The following MYO5A variants were observed in gnomAD, a reference collection of about 807,000 sequenced individuals.
MYO5A encodes myosin VA, also known as unconventional myosin-Va.
MYO5A carries 98 observed loss-of-function variants against 249.7 expected under a neutral mutation model. That is an observed-to-expected ratio of 0.39 (90% CI 0.33 to 0.46). The LOEUF (loss-of-function observed/expected upper bound fraction) is 0.46. MYO5A is among the 20% of genes least tolerant of loss of function. MYO5A has a pLI of 0.98. For missense variants in MYO5A, 1,696 were observed against 2,308.8 expected (o/e 0.73, Z 5.44); for synonymous variants, 778 against 810.6 (o/e 0.96, Z 0.68).
chr15:52,493,102 G>T (rs2076967987), intron 1 of MYO5A, among the ~76,000 whole-genome samples: 1 of 152,172 alleles, frequency 6.6e-6, no homozygotes, highest in African/African-American at 2.4e-5. Flanking sequence ...ACTCTCAAGA[G>T]TTAGTGAACA....
chr15:52,438,685 C>T (rs1189730295), intron 1 of MYO5A, among the ~76,000 whole-genome samples: 2 of 152,248 alleles, frequency 1.3e-5, no homozygotes, highest in African/African-American at 4.8e-5. Context: ...CGCCTAAGAG[C>T]ACAGCGGGAG....
intron 40 of MYO5A, 109 bp from the exon 41 acceptor site, chr15:52,314,312 CA>C (rs1445601537): frequency 3.7e-6 from 3 of 811,996 alleles, no homozygotes; most frequent in Non-Finnish European, 6.3e-6. Context: ...CAGTTCTACT[CA>C]GGGGTGGGCT....
chr15:52,367,047 C>A lies in MYO5A; in HGVS notation c.3144G>T (p.Gln1048His), dbSNP rs772372893. ...KEALNHRIVQ[Q>H]AKEMTETMEK... ...AAGCTTTACCTGTCATCTCCTTAGC[C>A]TGCTGCACGATGCGGTGATTGAGGG... Residue 1048 changes from glutamine (Q) to histidine (H), a missense_variant, in exon 23 of 42, where the codon CAG becomes CAT. Coordinates refer to ENST00000399233, the MANE Select transcript of MYO5A (RefSeq NM_001382347.1). The A allele has an allele frequency of 1.2e-6, 2 of 1,613,808 alleles. No individual in the cohort carries two copies. Among genetic ancestry groups the A allele is most frequent in the East Asian group, 4.5e-5 (2 of 44,880 alleles).
At chr15:52,495,737 A>G (rs1234819216) in intron 1 of MYO5A, among the ~76,000 whole-genome samples, 1 of 152,234 alleles carries the variant, frequency 6.6e-6, no homozygotes, top group Non-Finnish European at 1.5e-5. Flanking sequence ...CTGAGTGGTC[A>G]AAAGAGAAGG....
At chr15:52,348,006 G>T (rs1482743336) in intron 29 of MYO5A, among the ~76,000 whole-genome samples, 4 of 152,150 alleles carry the variant, frequency 2.6e-5, no homozygotes, top group Non-Finnish European at 5.9e-5. Context: ...GACTTACATG[G>T]TATGGTTGTG....
intron 30 of MYO5A, among the ~76,000 whole-genome samples, chr15:52,343,673 C>T (rs966000068): frequency 6.6e-6 from 1 of 152,130 alleles, no homozygotes; most frequent in African/African-American, 2.4e-5. Flanking sequence ...TAATTTCCCA[C>T]ATTAAAAAAC....
chr15:52,492,852 A>C lies in MYO5A; in HGVS notation c.27+35928T>G, dbSNP rs1430030366. 3.3e-5 allele frequency among the ~76,000 whole-genome samples: 5 copies of C among 152,288 alleles called. No homozygotes were observed. The East Asian group carries it at 9.6e-4, about 29-fold the overall frequency. ...TGAAGTTGGGGCCCGGGCACATGGG[A>C]ATTTATTGTACTGTTCTTTCTACTT... On this transcript the variant is annotated intron_variant, in intron 1 of 41. Coordinates refer to ENST00000399233, the MANE Select transcript of MYO5A (RefSeq NM_001382347.1).
At chr15:52,392,240 C>T (rs996496102) in intron 11 of MYO5A, among the ~76,000 whole-genome samples, 170 bp from the exon 12 acceptor site, 2 of 152,174 alleles carry the variant, frequency 1.3e-5, no homozygotes, top group African/African-American at 4.8e-5. Flanking sequence ...AGGAAAACCT[C>T]AGCTACGTAG....
chr15:52,395,547 G>C (rs1290923006), intron 11 of MYO5A, among the ~76,000 whole-genome samples: 1 of 152,110 alleles, frequency 6.6e-6, no homozygotes, highest in African/African-American at 2.4e-5. Flanking sequence ...ACTTAGAACT[G>C]TGCCTGGCAC....
rs1289177466 is a variant in MYO5A, at chr15:52,405,049, TGTCACACACA to T, written c.1053+228_1053+237del. On this transcript the variant is annotated intron_variant, in intron 9 of 41. Coordinates refer to ENST00000399233, the MANE Select transcript of MYO5A (RefSeq NM_001382347.1). ...AACCCTCTCTCTTTCTCTCTCTCTCTGTCACACACACACACACACACACACACACACACAC... is the reference window on the plus strand; with the variant it reads ...AACCCTCTCTCTTTCTCTCTCTCTCTCACACACACACACACACACACACAC... Among the ~76,000 whole-genome samples, 941 of 100,864 alleles carry T rather than the reference TGTCACACACA, an allele frequency of 9.3e-3. 5 individuals are homozygous for T. Among genetic ancestry groups the T allele is most frequent in the Admixed American group, 0.012 (108 of 9,044 alleles). 66.2% of individuals were successfully genotyped at this position (100,864 alleles called of 152,430 possible).
At chr15:52,366,998 T>G in intron 23 of MYO5A, 33 bp downstream of exon 23, 2 of 1,521,320 alleles carry the variant, frequency 1.3e-6, no homozygotes, top group Non-Finnish European at 1.8e-6. Flanking sequence ...TGGTGTGAGG[T>G]TGGTTGGCGT....
In MYO5A at chr15:52,314,110, T is replaced by A. The variant is rs1196932692; in HGVS notation, c.5490+13A>T. ...TGTGTTGGTGAATCAAAGAAGAAGA[T>A]GGGAGCTCTTACCTGTATAGTACGA... On this transcript the variant is annotated intron_variant, in intron 41 of 41. Coordinates refer to ENST00000399233, the MANE Select transcript of MYO5A (RefSeq NM_001382347.1). 6.3e-7 allele frequency: 1 copy of A among 1,584,522 alleles called. No homozygotes were observed. Among genetic ancestry groups the A allele is most frequent in the African/African-American group, 1.3e-5 (1 of 74,248 alleles).
Position 52,528,767 on chromosome 15 carries a change from C to T in MYO5A, c.27+13G>A, listed in dbSNP as rs1332838205. 1.3e-6 allele frequency: 2 copies of T among 1,504,926 alleles called. No individual in the cohort carries two copies. The highest frequency in any genetic ancestry group is 8.8e-7 in the Non-Finnish European group (1 of 1,133,772). The allele number at this position is 1,504,926 out of a possible 1,614,324, so 93.2% of individuals were successfully genotyped here. On this transcript the variant is annotated intron_variant, in intron 1 of 41. Transcript: ENST00000399233. Reference sequence around the variant, plus strand: ...CAGCCCCAGTCCTCGACGCCGGCCGCGGGGTGCCTTACCTTTGTGTAGAGC... The same window carrying T: ...CAGCCCCAGTCCTCGACGCCGGCCGTGGGGTGCCTTACCTTTGTGTAGAGC...
chr15:52,389,158 A>T, intron 13 of MYO5A, 80 bp downstream of exon 13: 1 of 1,467,238 alleles, frequency 6.8e-7, no homozygotes, highest in South Asian at 1.2e-5. Context: ...AGCAAAAGAA[A>T]AAAAAAGATA....
chr15:52,322,835 T>G (rs868657394), intron 37 of MYO5A, among the ~76,000 whole-genome samples: 3 of 130,054 alleles, frequency 2.3e-5, no homozygotes, highest in African/African-American at 7.8e-5. Context: ...TAAAATTTTC[T>G]TTTTTTTTTT....
chr15:52,319,477 C>T lies in MYO5A; in HGVS notation c.4952-135G>A. 2.0e-6 allele frequency: 2 copies of T among 1,023,502 alleles called. 1 individual carries two copies. Among genetic ancestry groups the T allele is most frequent in the South Asian group, 2.7e-5 (2 of 74,664 alleles). 63.4% of individuals were successfully genotyped at this position (1,023,502 alleles called of 1,614,324 possible). ...GCACGGTGGCTCACATCTGTAATCC[C>T]AGCACTTTGGGAGGCCGCCGAGGTG... On this transcript the variant is annotated intron_variant, in intron 38 of 41. Coordinates refer to ENST00000399233, the MANE Select transcript of MYO5A (RefSeq NM_001382347.1).
At chr15:52,452,519 T>C (rs1269286945) in intron 1 of MYO5A, among the ~76,000 whole-genome samples, 1 of 152,114 alleles carries the variant, frequency 6.6e-6, no homozygotes, top group East Asian at 1.9e-4. Flanking sequence ...TCCTGGGCCC[T>C]GGAAACTCCG....
intron 8 of MYO5A, among the ~76,000 whole-genome samples, chr15:52,406,077 G>A (rs2042992364): frequency 6.6e-6 from 1 of 152,154 alleles, no homozygotes; most frequent in Admixed American, 6.5e-5. Context: ...GGATGAGAAA[G>A]CTGGACAGCT....
intron 4 of MYO5A, among the ~76,000 whole-genome samples, chr15:52,423,747 C>T (rs528710758): frequency 2.0e-5 from 3 of 151,722 alleles, no homozygotes; most frequent in Non-Finnish European, 4.4e-5. Flanking sequence ...AAAACCAAGC[C>T]AAAGGAAAAA....
Sources: gnomAD v4.1 joint callset for allele counts (sites outside exome capture counted in the v4.1 genomes callset) on GRCh38, gnomAD v4.1.1 for gene constraint, MANE v1.5 for transcripts, NCBI Gene and HGNC (gene_info 2026-07-23, HGNC 2026-07-21) for gene names.